Variants in SMURF2 observed in about 807,000 individuals in gnomAD.
SMURF2 encodes the protein E3 ubiquitin-protein ligase SMURF2.
In SMURF2, 48 loss-of-function variants were observed where a neutral mutation model predicts 109.6. The observed-to-expected ratio is 0.44, with a 90% CI of 0.35 to 0.56. SMURF2 has a LOEUF of 0.56. Among genes scored for constraint, SMURF2 ranks in the 20% least tolerant of loss-of-function variants. The probability of loss-of-function intolerance (pLI) is 0.01; values close to 1 mark genes in which losing one functional copy is unlikely to be tolerated. For synonymous variants in SMURF2, 288 were observed against 317.1 expected, an observed-to-expected ratio of 0.91 and a Z score of 0.97; for missense variants, 575 against 909.0, an observed-to-expected ratio of 0.63 and a Z score of 4.72.
At chr17:64,586,317 C>A (rs565270109) in intron 5 of SMURF2, 147 bp from the exon 6 acceptor site, 3 of 519,894 alleles carry the variant, frequency 5.8e-6, no homozygotes, top group South Asian at 6.6e-5. Flanking sequence ...TTTATAATTT[C>A]TTTTCCCATA....
Position 64,640,677 on chromosome 17 carries a change from T to C in SMURF2, c.52+21152A>G, listed in dbSNP as rs1598310861. Among the ~76,000 whole-genome samples the C allele has an allele frequency of 2.6e-5, 4 of 152,148 alleles. No homozygotes were observed. In the East Asian group the frequency reaches 7.7e-4, roughly 29 times the overall value. ...GGCTCACACCTATAATCCCAGCACT[T>C]TGGGAGGCCAAGGCAGGCAGATCAC... On this transcript the variant is annotated intron_variant, in intron 1 of 18. Transcript: ENST00000262435.
At chr17:64,623,325 C>T (rs1970228218) in intron 1 of SMURF2, among the ~76,000 whole-genome samples, 1 of 152,098 alleles carries the variant, frequency 6.6e-6, no homozygotes. Flanking sequence ...ACTGTATACC[C>T]AGAGTCTAGA....
intron 1 of SMURF2, among the ~76,000 whole-genome samples, chr17:64,659,523 T>C (rs1970747422): frequency 6.6e-6 from 1 of 151,674 alleles, no homozygotes; most frequent in Admixed American, 6.6e-5. Context: ...CAACTTTTTT[T>C]TTTTTTTTTT....
chr17:64,617,906 A>C (rs782820516), intron 1 of SMURF2, among the ~76,000 whole-genome samples: 1 of 152,224 alleles, frequency 6.6e-6, no homozygotes, highest in Non-Finnish European at 1.5e-5. Flanking sequence ...TTACATTAAT[A>C]AAACAAGATG....
intron 12 of SMURF2, among the ~76,000 whole-genome samples, chr17:64,558,386 C>A (rs187877602): frequency 4.6e-5 from 7 of 151,826 alleles, no homozygotes; most frequent in African/African-American, 1.2e-4. Context: ...GTGACAGAGA[C>A]CCTGTCTCAA....
chr17:64,561,693 A>C (rs1216499243), intron 11 of SMURF2, 90 bp from the exon 12 acceptor site: 1 of 960,896 alleles, frequency 1.0e-6, no homozygotes, highest in African/African-American at 1.6e-5. Context: ...CAAAAAACTC[A>C]AGTCTAAATA....
chr17:64,564,736 G>C (rs1294036852), intron 10 of SMURF2, among the ~76,000 whole-genome samples: 1 of 152,360 alleles, frequency 6.6e-6, no homozygotes, highest in East Asian at 1.9e-4. Flanking sequence ...GCATGGAACA[G>C]ATTCTCTCTC....
chr17:64,583,326 C>T, intron 7 of SMURF2, 135 bp downstream of exon 7: 2 of 664,226 alleles, frequency 3.0e-6, no homozygotes, highest in Middle Eastern at 2.8e-4. Context: ...ATAACAATGG[C>T]ACCTGTTATA....
At chr17:64,551,494 A>G (rs1189399971) in intron 16 of SMURF2, 90 bp downstream of exon 16, 21 of 1,379,258 alleles carry the variant, frequency 1.5e-5, no homozygotes, top group Non-Finnish European at 2.0e-5. Flanking sequence ...AGAAAGCACC[A>G]GAAATATGCT....
At chr17:64,640,745 C>T (rs1321888757) in intron 1 of SMURF2, among the ~76,000 whole-genome samples, 1 of 151,688 alleles carries the variant, frequency 6.6e-6, no homozygotes, top group Non-Finnish European at 1.5e-5. Context: ...ATGGTGAAAC[C>T]CCGTCTGTAC....
chr17:64,647,815 G>A (rs1555693097), intron 1 of SMURF2, among the ~76,000 whole-genome samples: 1 of 151,938 alleles, frequency 6.6e-6, no homozygotes, highest in East Asian at 1.9e-4. Context: ...CAGCTACCAG[G>A]GAGGCTGAGG....
intron 13 of SMURF2, among the ~76,000 whole-genome samples, chr17:64,556,400 T>C (rs373720936): frequency 3.3e-4 from 50 of 152,218 alleles, no homozygotes; most frequent in African/African-American, 1.2e-3. Flanking sequence ...AAATTAAACA[T>C]CAAAACACCA....
chr17:64,636,602 CA>C (rs782425202), intron 1 of SMURF2, among the ~76,000 whole-genome samples: 2,574 of 38,686 alleles, frequency 0.067, 77 homozygotes, highest in African/African-American at 0.19. Flanking sequence ...GACTCTGCCT[CA>C]AAAAAAAAAA....
intron 2 of SMURF2, among the ~76,000 whole-genome samples, chr17:64,603,903 A>G (rs1443196236): frequency 6.6e-6 from 1 of 152,204 alleles, no homozygotes; most frequent in Non-Finnish European, 1.5e-5. Context: ...AAAAATATAT[A>G]TCTATTTCAT....
intron 16 of SMURF2, among the ~76,000 whole-genome samples, chr17:64,549,081 C>G (rs1555683387): frequency 6.6e-6 from 1 of 151,556 alleles, no homozygotes; most frequent in Non-Finnish European, 1.5e-5. Flanking sequence ...GTCAGGAGTT[C>G]AAGACCAGCC....
At chr17:64,659,552 C>T (rs1970748128) in intron 1 of SMURF2, among the ~76,000 whole-genome samples, 1 of 145,414 alleles carries the variant, frequency 6.9e-6, no homozygotes, top group African/African-American at 2.6e-5. Context: ...AAAATGAGGC[C>T]TAGGTTAAAT....
chr17:64,582,602 AT>A (rs1240700174), intron 7 of SMURF2, among the ~76,000 whole-genome samples: 1 of 150,596 alleles, frequency 6.6e-6, no homozygotes, highest in African/African-American at 2.5e-5. Context: ...ATTTTATTTT[AT>A]TTGTTTTATT....
In SMURF2 at chr17:64,662,021, G is replaced by T; in HGVS notation, c.-141C>A. ...ACGGCCGGAGGGTCCCGGATGTGCC[G>T]AGAGTCGTCGCCATGAGCCGCGGAG... On this transcript the variant is annotated 5_prime_UTR_variant, in exon 1 of 19. Coordinates refer to ENST00000262435, the MANE Select transcript of SMURF2 (RefSeq NM_022739.4). 9.0e-7 allele frequency: 1 copy of T among 1,113,962 alleles called. No individual in the cohort carries two copies. Among genetic ancestry groups the T allele is most frequent in the Non-Finnish European group, 1.1e-6 (1 of 912,862 alleles). The allele number at this position is 1,113,962 out of a possible 1,614,324, so 69.0% of individuals were successfully genotyped here.
chr17:64,646,462 C>A (rs553964826), intron 1 of SMURF2, among the ~76,000 whole-genome samples: 4 of 150,580 alleles, frequency 2.7e-5, no homozygotes, highest in African/African-American at 9.8e-5. Context: ...CGGCTCACTG[C>A]AACCTCTGCC....
Sources: gnomAD v4.1 joint callset for allele counts (sites outside exome capture counted in the v4.1 genomes callset) on GRCh38, gnomAD v4.1.1 for gene constraint, MANE v1.5 for transcripts, NCBI Gene and HGNC (gene_info 2026-07-23, HGNC 2026-07-21) for gene names.